CPVL: variants seen among roughly 807,000 people sequenced by gnomAD.
The protein encoded by CPVL is carboxypeptidase vitellogenic like.
CPVL carries 51 observed loss-of-function variants against 63.7 expected under a neutral mutation model. The observed-to-expected ratio is 0.80, with a 90% CI of 0.64 to 1.01. The LOEUF is 1.01. Among genes scored for constraint, CPVL ranks in the 50% least tolerant of loss-of-function variants. The pLI, the probability that CPVL is intolerant of heterozygous loss-of-function variation, is 0.00. For synonymous variants in CPVL, 195 were observed against 206.0 expected (o/e 0.95, Z 0.46); for missense variants, 530 against 573.1 (o/e 0.92, Z 0.77).
intron 5 of CPVL, among the ~76,000 whole-genome samples, chr7:29,166,998 A>G (rs1439075021): frequency 1.3e-5 from 2 of 152,044 alleles, no homozygotes; most frequent in African/African-American, 4.8e-5. Context: ...TTTTGCATGC[A>G]TAGAGTACAT....
chr7:29,047,610 G>C (rs317703), intron 11 of CPVL, among the ~76,000 whole-genome samples: 126,669 of 152,172 alleles, frequency 0.83, 53,454 homozygotes, highest in African/African-American at 0.96. Context: ...GTTTGGAAAA[G>C]AGATTTGGGG....
intron 5 of CPVL, among the ~76,000 whole-genome samples, chr7:29,161,206 T>C (rs764865251): frequency 6.6e-6 from 1 of 152,120 alleles, no homozygotes; most frequent in Non-Finnish European, 1.5e-5. Flanking sequence ...CAGGCTCATG[T>C]CTTAGCACAT....
intron 12 of CPVL, among the ~76,000 whole-genome samples, chr7:29,004,203 A>G (rs1310496683): frequency 1.3e-5 from 2 of 152,206 alleles, no homozygotes; most frequent in Non-Finnish European, 2.9e-5. Flanking sequence ...GATTGAATAA[A>G]AGGATGAGAG....
chr7:29,083,884 C>T (rs1784967593), intron 7 of CPVL, among the ~76,000 whole-genome samples: 2 of 152,076 alleles, frequency 1.3e-5, no homozygotes, highest in African/African-American at 4.8e-5. Context: ...CTACTGGTAC[C>T]TTTCCTGGGG....
chr7:29,169,990 C>T (rs1238037486), intron 5 of CPVL, among the ~76,000 whole-genome samples: 1 of 151,886 alleles, frequency 6.6e-6, no homozygotes, highest in Non-Finnish European at 1.5e-5. Context: ...GATCCTCCTG[C>T]CTCTGCCTCC....
intron 11 of CPVL, among the ~76,000 whole-genome samples, chr7:29,037,321 G>A (rs1295145154): frequency 1.3e-5 from 2 of 151,746 alleles, no homozygotes; most frequent in East Asian, 3.9e-4. Context: ...GAGGTGGGCG[G>A]ATCACAAGGT....
At chr7:29,044,196 G>C (rs1245292707) in intron 11 of CPVL, among the ~76,000 whole-genome samples, 1 of 152,008 alleles carries the variant, frequency 6.6e-6, no homozygotes, top group Non-Finnish European at 1.5e-5. Context: ...AGGAGTTCAA[G>C]ACCTGAAGTG....
chr7:29,146,517 G>A lies in CPVL; in HGVS notation c.-99C>T. 1 of 1,477,560 alleles carries A rather than the reference G, an allele frequency of 6.8e-7. No individual in the cohort carries two copies. Among genetic ancestry groups the A allele is most frequent in the South Asian group, 1.4e-5 (1 of 70,592 alleles). The allele number at this position is 1,477,560 out of a possible 1,614,324, so 91.5% of individuals were successfully genotyped here. ...AGCGCTTCCCAAATCAGGCAGAAGT[G>A]AGGCAGCCCCACCCAGTCACGAGGA... On this transcript the variant is annotated 5_prime_UTR_variant, in exon 1 of 13. Transcript: ENST00000265394.
chr7:29,091,601 G>T (rs1014164886), intron 6 of CPVL, among the ~76,000 whole-genome samples: 1 of 152,166 alleles, frequency 6.6e-6, no homozygotes, highest in African/African-American at 2.4e-5. Flanking sequence ...CACTGTATGT[G>T]GAAGCAGAAG....
chr7:29,136,195 T>G (rs889597460), intron 1 of CPVL, among the ~76,000 whole-genome samples: 14 of 152,302 alleles, frequency 9.2e-5, no homozygotes, highest in Non-Finnish European at 1.5e-4. Context: ...CCGCATGAGT[T>G]TTTGTAAAAA....
At chr7:29,145,416 G>C (rs1055961189) in intron 1 of CPVL, among the ~76,000 whole-genome samples, 2 of 152,072 alleles carry the variant, frequency 1.3e-5, no homozygotes, top group Non-Finnish European at 2.9e-5. Flanking sequence ...ACCGGAACCA[G>C]GAATTGCACA....
intron 12 of CPVL, among the ~76,000 whole-genome samples, chr7:28,996,894 CTTCTT>C (rs1784132532): frequency 6.6e-6 from 1 of 152,156 alleles, no homozygotes. Flanking sequence ...TACAGATTTT[CTTCTT>C]TTGAGTCAAG....
In CPVL at chr7:29,030,577, C is replaced by T; in HGVS notation, c.1320G>A (p.Gln440=). The T allele has an allele frequency of 2.5e-6, 4 of 1,610,130 alleles. No individual in the cohort carries two copies. The highest frequency in any genetic ancestry group is 2.5e-6 in the Non-Finnish European group (3 of 1,178,098). The change falls in exon 12 of 13, where the codon CAG becomes CAA. Residue 440 remains glutamine, a splice_region_variant and synonymous_variant. Transcript: ENST00000265394. ...GYIRQAGDFH[Q]VIIRGGGHIL... ...TGCCTGCTCCCAAGCATCTTCCTAC[C>T]TGATGGAAGTCACCCGCTTGCCGGA...
intron 5 of CPVL, among the ~76,000 whole-genome samples, chr7:29,156,851 T>C (rs959533299): frequency 4.6e-5 from 7 of 152,196 alleles, no homozygotes; most frequent in African/African-American, 1.7e-4. Flanking sequence ...TGGAGATCTA[T>C]CTAGCAAAAT....
intron 3 of CPVL, among the ~76,000 whole-genome samples, chr7:29,108,702 T>C (rs1398910202): frequency 2.0e-5 from 3 of 152,228 alleles, no homozygotes; most frequent in African/African-American, 7.2e-5. Context: ...CCTTATTATC[T>C]CTTCTGTCTC....
chr7:29,040,488 C>G (rs1487928127), intron 11 of CPVL, among the ~76,000 whole-genome samples: 1 of 152,180 alleles, frequency 6.6e-6, no homozygotes, highest in African/African-American at 2.4e-5. Context: ...GGTAATTGTG[C>G]AGAGTCTTAG....
intron 9 of CPVL, among the ~76,000 whole-genome samples, chr7:29,066,699 G>C (rs1368397631): frequency 6.6e-6 from 1 of 152,214 alleles, no homozygotes; most frequent in Admixed American, 6.5e-5. Flanking sequence ...ATGACATGGA[G>C]AGAAGACGCA....
chr7:29,018,043 T>C (rs927922232), intron 12 of CPVL, among the ~76,000 whole-genome samples: 5 of 152,192 alleles, frequency 3.3e-5, no homozygotes, highest in Non-Finnish European at 5.9e-5. Context: ...GAAAATGGAA[T>C]TGATATTGAC....
chr7:28,994,947 A>G (rs1045362832), downstream of CPVL, among the ~76,000 whole-genome samples: 10 of 152,212 alleles, frequency 6.6e-5, no homozygotes, highest in African/African-American at 2.4e-4. Flanking sequence ...TAGTCAGAAA[A>G]CTGCTAATGA....
Sources: allele counts gnomAD v4.1 joint callset (sites outside exome capture counted in the v4.1 genomes callset), GRCh38; gene constraint gnomAD v4.1.1; transcripts MANE v1.5; gene names NCBI Gene and HGNC (gene_info 2026-07-23, HGNC 2026-07-21).